The following USP40 variants were observed in gnomAD, a reference collection of about 807,000 sequenced individuals.
The protein encoded by USP40 is ubiquitin specific peptidase 40.
Under a neutral mutation model 166.2 loss-of-function variants are expected in USP40, and 143 were observed. That is an observed-to-expected ratio of 0.86 (90% CI 0.75 to 0.99). The LOEUF (loss-of-function observed/expected upper bound fraction) is 0.99. Among genes scored for constraint, USP40 ranks in the 50% least tolerant of loss-of-function variants. The pLI, the probability that USP40 is intolerant of heterozygous loss-of-function variation, is 0.00. For synonymous variants in USP40, 498 were observed against 524.0 expected (o/e 0.95, Z 0.68); for missense variants, 1,444 against 1,479.7 (o/e 0.98, Z 0.40).
At chr2:233,495,201 A>T (rs1260150973) in intron 24 of USP40, among the ~76,000 whole-genome samples, 2 of 151,438 alleles carry the variant, frequency 1.3e-5, no homozygotes, top group Non-Finnish European at 2.9e-5. Context: ...TAATGAAAAA[A>T]ATCTAGGTAC....
chr2:233,551,369 T>A lies in USP40; in HGVS notation c.837+7A>T. ...AAGAAAGAATTTAAAAATAAAATAG[T>A]TCAAACCTGTTCACAAAAGGGCTTG... On this transcript the variant is annotated splice_region_variant and intron_variant, in intron 7 of 31. Transcript: ENST00000678225. The A allele has an allele frequency of 5.0e-6, 8 of 1,594,850 alleles. No individual in the cohort carries two copies. The highest frequency in any genetic ancestry group is 6.8e-6 in the Non-Finnish European group (8 of 1,174,494).
At chr2:233,489,265 T>C in intron 27 of USP40, 100 bp downstream of exon 27, 5 of 1,164,392 alleles carry the variant, frequency 4.3e-6, no homozygotes, top group Non-Finnish European at 6.3e-6. Context: ...ATGGGCTTTG[T>C]TGTCACTCAG....
intron 24 of USP40, among the ~76,000 whole-genome samples, chr2:233,495,173 C>T (rs1559224830): frequency 1.3e-5 from 2 of 151,000 alleles, no homozygotes; most frequent in Admixed American, 6.6e-5. Context: ...TCACAGCATA[C>T]ACTAGGAGAT....
chr2:233,529,346 AT>A, intron 12 of USP40, 84 bp downstream of exon 12: 1 of 1,175,416 alleles, frequency 8.5e-7, no homozygotes. Context: ...TTTCTTTTTA[AT>A]TTTCATTACT....
chr2:233,500,044 T>C (rs765990199), intron 21 of USP40, 129 bp from the exon 22 acceptor site: 1 of 681,444 alleles, frequency 1.5e-6, no homozygotes, highest in East Asian at 2.9e-5. Context: ...TAGGCAAGGA[T>C]AGACATAGTT....
At chr2:233,518,819 T>C (rs936805671) in intron 18 of USP40, among the ~76,000 whole-genome samples, 3 of 152,172 alleles carry the variant, frequency 2.0e-5, no homozygotes, top group Admixed American at 2.0e-4. Flanking sequence ...ATAGTGGCAT[T>C]ATTCATAAAA....
intron 20 of USP40, among the ~76,000 whole-genome samples, chr2:233,511,139 AGC>A (rs2066804554): frequency 6.6e-6 from 1 of 152,214 alleles, no homozygotes; most frequent in Non-Finnish European, 1.5e-5. Flanking sequence ...CACTGTAATA[AGC>A]TGATTAGCTG....
chr2:233,518,052 T>A (rs1208688103), intron 18 of USP40, among the ~76,000 whole-genome samples: 1 of 151,206 alleles, frequency 6.6e-6, no homozygotes, highest in East Asian at 1.9e-4. Context: ...GGATGAGGGA[T>A]AAAAGACTAC....
At chr2:233,512,459 A>C in intron 19 of USP40, 110 bp downstream of exon 19, 2 of 575,258 alleles carry the variant, frequency 3.5e-6, no homozygotes, top group Non-Finnish European at 5.6e-6. Flanking sequence ...TATGTCCTAT[A>C]AATCAGTTTC....
At chr2:233,525,873 T>C (rs1450060665) in intron 13 of USP40, among the ~76,000 whole-genome samples, 2 of 152,224 alleles carry the variant, frequency 1.3e-5, no homozygotes, top group Non-Finnish European at 2.9e-5. Context: ...TTGATGAGCA[T>C]GTCAGCCTAG....
rs963613295 is a variant in USP40 at position 233,508,265 on chromosome 2, T to C, written c.2613+1784A>G. Among the ~76,000 whole-genome samples the C allele has an allele frequency of 5.3e-5, 8 of 152,356 alleles. No homozygotes were observed. In the Middle Eastern group the frequency reaches 0.01, roughly 194 times the overall value. ...TCACATTTCTCTACTTTCTCTTAAA[T>C]TATTACTTAAGTTCCTTTGGCTTGA... On this transcript the variant is annotated intron_variant, in intron 21 of 31. Transcript: ENST00000678225.
Position 233,511,699 on chromosome 2 carries a change from C to T in USP40, c.2526+10G>A, listed in dbSNP as rs769488695. 1.2e-6 allele frequency: 2 copies of T among 1,604,970 alleles called. No individual in the cohort carries two copies. Among genetic ancestry groups the T allele is most frequent in the Non-Finnish European group, 1.7e-6 (2 of 1,175,670 alleles). Reference sequence around the variant, plus strand: ...TTGATTTTGTTTTGAAACAGGTGACCTTATTTTACCTGAGACGAACTTGGT... The same window carrying T: ...TTGATTTTGTTTTGAAACAGGTGACTTTATTTTACCTGAGACGAACTTGGT... On this transcript the variant is annotated intron_variant, in intron 20 of 31. Coordinates refer to ENST00000678225, the MANE Select transcript of USP40 (RefSeq NM_001365479.2).
At chr2:233,547,737 A>C (rs369090558) in intron 8 of USP40, among the ~76,000 whole-genome samples, 1 of 152,352 alleles carries the variant, frequency 6.6e-6, no homozygotes, top group Admixed American at 6.5e-5. Flanking sequence ...CTTTTTAATA[A>C]GACATTAAAG....
chr2:233,481,468 C>T (rs538508851), intron 30 of USP40, 171 bp from the exon 31 acceptor site: 76 of 624,806 alleles, frequency 1.2e-4, no homozygotes, highest in Non-Finnish European at 1.9e-4. Context: ...AAAACAAACT[C>T]GGGGGTGGCA....
rs775423383 is a variant in USP40, at chr2:233,485,768, C to T, written c.3407G>A (p.Trp1136Ter). Residue 1136 changes from tryptophan to a stop codon, truncating the protein, a stop_gained and splice_region_variant, in exon 29 of 32, where the codon TGG becomes TAG. Coordinates refer to ENST00000678225, the MANE Select transcript of USP40 (RefSeq NM_001365479.2). LOFTEE classifies it high-confidence loss of function. Reference protein sequence around the residue: ...EKFEWLPISSWNQQITKRKKK... With the variant: ...EKFEWLPISS ...TCTGAGACAGCCCCACAACTTTACC[C>T]AGCTAGATATCGGAAGCCACTCGAA... 3 of 1,613,070 alleles carry T rather than the reference C, an allele frequency of 1.9e-6. No homozygotes were observed. Among genetic ancestry groups the T allele is most frequent in the Non-Finnish European group, 1.7e-6 (2 of 1,179,570 alleles).
intron 26 of USP40, chr2:233,490,935 A>G: frequency 1.5e-6 from 1 of 669,176 alleles, no homozygotes; most frequent in African/African-American, 1.8e-5. Context: ...CTGAGGATAG[A>G]TTGAAACAAA....
chr2:233,559,828 C>T lies in USP40; in HGVS notation c.364G>A (p.Gly122Arg). ...ASTADLTDSF[G>R]WTSNEEMRQH... is the part of the protein sequence containing the mutation. ...CCTCGTACCTCATTACTGGTCCACC[C>T]AAAGCTGTCAGTGAGGTCTGCTGTG... The change falls in exon 4 of 32, where the codon GGG becomes AGG. Residue 122 changes from glycine (G) to arginine (R), a missense_variant. Gly to Arg is a moderately radical substitution (Grantham distance 125). Transcript: ENST00000678225. 6.2e-7 allele frequency: 1 copy of T among 1,608,738 alleles called. No individual in the cohort carries two copies. Among genetic ancestry groups the T allele is most frequent in the Non-Finnish European group, 8.5e-7 (1 of 1,177,710 alleles).
At chr2:233,479,628 CGTGTGTGTGTGTGTGT>C (rs72454809) in intron 31 of USP40, among the ~76,000 whole-genome samples, 1 of 145,414 alleles carries the variant, frequency 6.9e-6, no homozygotes, top group Non-Finnish European at 1.5e-5. Flanking sequence ...TAGAATTTTA[CGTGTGTGTGTGTGTGT>C]GTGTGTGTGT....
intron 21 of USP40, among the ~76,000 whole-genome samples, chr2:233,509,380 G>A (rs1168270208): frequency 1.3e-5 from 2 of 152,018 alleles, no homozygotes; most frequent in African/African-American, 4.8e-5. Context: ...ATACCACTGT[G>A]TGTGTATATA....
Sources: allele counts gnomAD v4.1 joint callset (sites outside exome capture counted in the v4.1 genomes callset), GRCh38; gene constraint gnomAD v4.1.1; transcripts MANE v1.5; gene names NCBI Gene and HGNC (gene_info 2026-07-23, HGNC 2026-07-21).